PDIA5: variants seen among roughly 807,000 people sequenced by gnomAD.
PDIA5 encodes the protein protein disulfide-isomerase A5.
In PDIA5, 58 loss-of-function variants were observed where a neutral mutation model predicts 77.6. The observed-to-expected ratio is 0.75, with a 90% confidence interval of 0.61 to 0.93. The LOEUF is 0.93. Ranked by LOEUF, PDIA5 falls within the 40% of genes least tolerant of loss-of-function variation. PDIA5 has a pLI of 0.00. For synonymous variants in PDIA5, 250 were observed against 252.1 expected, an observed-to-expected ratio of 0.99 and a Z score of 0.08; for missense variants, 630 against 647.7, an observed-to-expected ratio of 0.97 and a Z score of 0.30.
At chr3:123,095,362 G>A (rs888927329) in intron 3 of PDIA5, among the ~76,000 whole-genome samples, 23 of 152,184 alleles carry the variant, frequency 1.5e-4, no homozygotes, top group Admixed American at 3.9e-4. Flanking sequence ...TACTGGGTGA[G>A]GATCCCTTGG....
At position 123,113,257 on chromosome 3, in the gene PDIA5, G is replaced by A. The variant is rs147043074; in HGVS notation, c.541+2253G>A. Among the ~76,000 whole-genome samples the A allele has an allele frequency of 4.6e-3, 694 of 152,268 alleles. 2 individuals are homozygous for A. Among genetic ancestry groups the A allele is most frequent in the African/African-American group, 0.01 (434 of 41,552 alleles). ...CAGTGCGTGCCACAAGACGGCATCC[G>A]GGTGTAACCAGGCAGGTCTCAGTGT... On this transcript the variant is annotated intron_variant, in intron 7 of 16. Coordinates refer to ENST00000316218, the MANE Select transcript of PDIA5 (RefSeq NM_006810.4).
At chr3:123,075,151 CTT>C (rs1366377099) in intron 1 of PDIA5, among the ~76,000 whole-genome samples, 2 of 152,160 alleles carry the variant, frequency 1.3e-5, no homozygotes, top group African/African-American at 2.4e-5. Context: ...TTAAGTAAAA[CTT>C]TGAAATATGC....
intron 8 of PDIA5, among the ~76,000 whole-genome samples, chr3:123,119,609 C>T (rs1444113670): frequency 1.3e-5 from 2 of 152,214 alleles, no homozygotes. Context: ...CTAGGGCTTA[C>T]TCTGCAGGGG....
chr3:123,145,182 C>T (rs1357139201), intron 11 of PDIA5: 1 of 231,470 alleles, frequency 4.3e-6, no homozygotes, highest in African/African-American at 2.3e-5. Context: ...AGTCACCTGC[C>T]CTCTTGGTGC....
At chr3:123,094,368 C>T (rs1317767018) in intron 3 of PDIA5, among the ~76,000 whole-genome samples, 4 of 152,230 alleles carry the variant, frequency 2.6e-5, no homozygotes. Context: ...AGGGTGCAAT[C>T]TTTCTGGAGT....
intron 1 of PDIA5, among the ~76,000 whole-genome samples, chr3:123,077,051 A>C (rs1485847302): frequency 6.6e-6 from 1 of 152,178 alleles, no homozygotes; most frequent in Non-Finnish European, 1.5e-5. Flanking sequence ...AAAGGAAGCA[A>C]AATATAAGAA....
chr3:123,114,193 T>C (rs1488235199), intron 7 of PDIA5, among the ~76,000 whole-genome samples: 2 of 152,164 alleles, frequency 1.3e-5, no homozygotes, highest in African/African-American at 4.8e-5. Flanking sequence ...TGGAGACAGA[T>C]AGTAAATAAA....
At chr3:123,116,127 A>T in intron 7 of PDIA5, 104 bp from the exon 8 acceptor site, 1 of 902,774 alleles carries the variant, frequency 1.1e-6, no homozygotes. Flanking sequence ...TCAAGGCTGG[A>T]TAAGTGCTTG....
chr3:123,094,689 T>C (rs1449289507), intron 3 of PDIA5, among the ~76,000 whole-genome samples: 1 of 152,244 alleles, frequency 6.6e-6, no homozygotes, highest in East Asian at 1.9e-4. Context: ...TGCTTTCTGG[T>C]GCTGTCTGCC....
At chr3:123,149,008 A>G (rs1935827640) in intron 13 of PDIA5, among the ~76,000 whole-genome samples, 1 of 152,248 alleles carries the variant, frequency 6.6e-6, no homozygotes, top group South Asian at 2.1e-4. Context: ...GGCAGTGTTC[A>G]GGGAAAAGGC....
intron 3 of PDIA5, among the ~76,000 whole-genome samples, chr3:123,101,829 C>T (rs1934603097): frequency 6.6e-6 from 1 of 151,394 alleles, no homozygotes; most frequent in Non-Finnish European, 1.5e-5. Context: ...TTTGTCTGGA[C>T]CTGTCTGTGT....
At chr3:123,097,286 T>C (rs1218791617) in intron 3 of PDIA5, among the ~76,000 whole-genome samples, 1 of 152,162 alleles carries the variant, frequency 6.6e-6, no homozygotes, top group Non-Finnish European at 1.5e-5. Flanking sequence ...ACCATGCACT[T>C]GTTGGAGTGA....
chr3:123,145,955 GGATATGGGAGCCCAC>G, intron 12 of PDIA5, 129 bp from the exon 13 acceptor site: 1 of 714,910 alleles, frequency 1.4e-6, no homozygotes, highest in Non-Finnish European at 2.4e-6. Context: ...TTGTTCCCTG[GGATATGGGAGCCCAC>G]TGGGCTAGCC....
rs776845674 is a variant in PDIA5, at chr3:123,106,748, G to C, written c.388-1G>C. ...TTTCTCTTCTCTTTTTTTTCCCTCA[G>C]TCCATAGTGGCCTTTTTGAAGGATC... is the stretch of plus-strand genomic sequence containing the variant. On this transcript the variant is annotated splice_acceptor_variant, in intron 5 of 16. Transcript: ENST00000316218. LOFTEE classifies it high-confidence loss of function. 1.2e-6 allele frequency: 2 copies of C among 1,603,172 alleles called. No homozygotes were observed. Among genetic ancestry groups the C allele is most frequent in the South Asian group, 2.2e-5 (2 of 90,294 alleles).
intron 2 of PDIA5, among the ~76,000 whole-genome samples, chr3:123,091,436 G>A (rs774363030): frequency 5.9e-5 from 9 of 152,106 alleles, no homozygotes; most frequent in South Asian, 2.1e-4. Context: ...CACAGGTGTC[G>A]CCTAGGAGAA....
chr3:123,106,714 A>G, intron 5 of PDIA5, 35 bp from the exon 6 acceptor site: 1 of 1,461,302 alleles, frequency 6.8e-7, no homozygotes, highest in Non-Finnish European at 9.6e-7. Context: ...TTTCAGGGCT[A>G]AAATGCATTT....
At chr3:123,114,681 G>A (rs1275617608) in intron 7 of PDIA5, among the ~76,000 whole-genome samples, 8 of 152,202 alleles carry the variant, frequency 5.3e-5, no homozygotes, top group Non-Finnish European at 1.0e-4. Context: ...TCCCCACAAT[G>A]GAAACAATGC....
intron 3 of PDIA5, 96 bp downstream of exon 3, chr3:123,092,538 C>A: frequency 1.1e-6 from 1 of 905,486 alleles, no homozygotes; most frequent in Non-Finnish European, 1.8e-6. Context: ...GATTAATAAT[C>A]TGGGAGAGAG....
chr3:123,073,897 G>C (rs1351842289), intron 1 of PDIA5, among the ~76,000 whole-genome samples: 1 of 152,228 alleles, frequency 6.6e-6, no homozygotes, highest in Non-Finnish European at 1.5e-5. Context: ...AATCAAGGTT[G>C]AGGGTTGTAA....
Sources: gnomAD v4.1 joint callset for allele counts (sites outside exome capture counted in the v4.1 genomes callset) on GRCh38, gnomAD v4.1.1 for gene constraint, MANE v1.5 for transcripts, NCBI Gene and HGNC (gene_info 2026-07-23, HGNC 2026-07-21) for gene names.